Variants in PHF14 observed in about 807,000 individuals in gnomAD.
PHF14 encodes PHD finger protein 14.
Under a neutral mutation model 117.9 loss-of-function variants are expected in PHF14, and 55 were observed. The ratio of observed to expected loss-of-function variants is 0.47; its 90% CI spans 0.38 to 0.58. PHF14 has a LOEUF of 0.58. Among genes scored for constraint, PHF14 ranks in the 20% least tolerant of loss-of-function variants. The pLI is 0.00. For synonymous variants in PHF14, 409 were observed against 368.6 expected (o/e 1.11, Z -1.26); for missense variants, 978 against 1,122.2 (o/e 0.87, Z 1.84).
At position 11,130,693 on chromosome 7, in the gene PHF14, G is replaced by A. The variant is rs949112354; in HGVS notation, c.2772+19226G>A. 6.6e-6 allele frequency among the ~76,000 whole-genome samples: 1 copy of A among 151,772 alleles called. No homozygotes were observed. The highest frequency in any genetic ancestry group is 2.4e-5 in the African/African-American group (1 of 41,324). On this transcript the variant is annotated intron_variant, in intron 17 of 17. Coordinates refer to ENST00000634607, the MANE Select transcript of PHF14 (RefSeq NM_001007157.2). The surrounding 1 kb of genome is among the most constrained non-coding windows in gnomAD (Gnocchi z 4.2). The stretch of plus-strand genomic sequence containing the variant: ...ACATTATTATTAACTAAAGTTTGTT[G>A]TTTACATTATAACTTATTTTTTGTG...
At chr7:11,020,563 G>A (rs986462727) in intron 5 of PHF14, among the ~76,000 whole-genome samples, 4 of 151,986 alleles carry the variant, frequency 2.6e-5, no homozygotes, top group Non-Finnish European at 5.9e-5. Context: ...ATTTTTTGTA[G>A]CGATGGGGTT....
intron 2 of PHF14, among the ~76,000 whole-genome samples, chr7:10,980,201 C>G (rs1473902944): frequency 1.3e-5 from 2 of 152,096 alleles, no homozygotes; most frequent in African/African-American, 4.8e-5. Context: ...GTTAATCTTA[C>G]TTTTGCGTCT....
intron 4 of PHF14, among the ~76,000 whole-genome samples, chr7:11,003,469 T>C (rs998065493): frequency 2.0e-5 from 3 of 152,214 alleles, no homozygotes; most frequent in Non-Finnish European, 4.4e-5. Context: ...ATCTTACTTT[T>C]AATTTTATTT....
At chr7:11,088,112 A>T (rs1159875248) in intron 16 of PHF14, among the ~76,000 whole-genome samples, 1 of 152,204 alleles carries the variant, frequency 6.6e-6, no homozygotes, top group African/African-American at 2.4e-5. Flanking sequence ...GAAGATGCTC[A>T]AGTCCCTTAT....
intron 14 of PHF14, among the ~76,000 whole-genome samples, chr7:11,056,143 C>G (rs189988961): frequency 2.8e-3 from 419 of 151,772 alleles, no homozygotes; most frequent in African/African-American, 9.7e-3. Context: ...ACTTTGGCTA[C>G]TTGGAAGAGA....
At chr7:11,143,561 G>T (rs2128351759) in intron 17 of PHF14, among the ~76,000 whole-genome samples, 1 of 151,992 alleles carries the variant, frequency 6.6e-6, no homozygotes, top group South Asian at 2.1e-4. Context: ...AGATTATTTG[G>T]AAAATGCAGA....
Position 11,067,243 on chromosome 7 carries a change from G to A in PHF14, c.2654+5158G>A, listed in dbSNP as rs564080267. ...ACGAATCATTCAGGAAGAGTAAATC[G>A]AAACCACAGTGAGATACCACCTCAC... On this transcript the variant is annotated intron_variant, in intron 16 of 17. Coordinates refer to ENST00000634607, the MANE Select transcript of PHF14 (RefSeq NM_001007157.2). Among the ~76,000 whole-genome samples the A allele has an allele frequency of 4.6e-5, 7 of 152,154 alleles. No individual in the cohort carries two copies. The South Asian group carries it at 1.0e-3, about 23-fold the overall frequency.
intron 13 of PHF14, among the ~76,000 whole-genome samples, chr7:11,044,056 C>T (rs1784584609): frequency 6.6e-6 from 1 of 152,006 alleles, no homozygotes; most frequent in East Asian, 1.9e-4. Flanking sequence ...AGCTGGAGGC[C>T]ATTATACTCA....
At chr7:11,007,586 A>G (rs966428032) in intron 4 of PHF14, among the ~76,000 whole-genome samples, 1 of 152,176 alleles carries the variant, frequency 6.6e-6, no homozygotes, top group African/African-American at 2.4e-5. Flanking sequence ...CCATATTGTA[A>G]TTCAGCCATG....
intron 17 of PHF14, among the ~76,000 whole-genome samples, chr7:11,116,745 A>G (rs1425908497): frequency 6.6e-6 from 1 of 151,884 alleles, no homozygotes; most frequent in African/African-American, 2.4e-5. Context: ...TGATTTTATG[A>G]GATTTTATGA....
chr7:11,023,856 TTAA>T (rs1161858383), intron 6 of PHF14, among the ~76,000 whole-genome samples: 3 of 151,910 alleles, frequency 2.0e-5, no homozygotes, highest in African/African-American at 7.3e-5. Flanking sequence ...ATTTGGCCAA[TTAA>T]TAATTCTACA....
chr7:11,066,879 A>AT (rs1215496276), intron 16 of PHF14, among the ~76,000 whole-genome samples: 1 of 152,196 alleles, frequency 6.6e-6, no homozygotes, highest in Non-Finnish European at 1.5e-5. Context: ...AATATTAGAA[A>AT]CAGCTTGTCC....
At chr7:11,044,672 T>C (rs1463409349) in intron 13 of PHF14, among the ~76,000 whole-genome samples, 2 of 152,190 alleles carry the variant, frequency 1.3e-5, no homozygotes, top group African/African-American at 4.8e-5. Context: ...TTTGAAGTTA[T>C]ACTAAAGATA....
At chr7:10,978,382 G>C (rs1781940075) in intron 2 of PHF14, among the ~76,000 whole-genome samples, 2 of 152,172 alleles carry the variant, frequency 1.3e-5, no homozygotes, top group Non-Finnish European at 2.9e-5. Context: ...AATGAGATTA[G>C]ATTGATGTAG....
In PHF14 at chr7:10,983,414, C is replaced by A. The variant is rs542301172; in HGVS notation, c.900+255C>A. 2.0e-4 allele frequency among the ~76,000 whole-genome samples: 31 copies of A among 152,270 alleles called. 1 individual carries two copies. In the South Asian group the frequency reaches 6.0e-3, roughly 30 times the overall value. On this transcript the variant is annotated intron_variant, in intron 3 of 17. Transcript: ENST00000634607. ...AATATTTAGAGAAATATTTTTATAT[C>A]CATAGACTTGGGAAATGACAAAGTT...
At chr7:11,113,193 C>T (rs1427510233) in intron 17 of PHF14, among the ~76,000 whole-genome samples, 1 of 151,886 alleles carries the variant, frequency 6.6e-6, no homozygotes, top group Non-Finnish European at 1.5e-5. Flanking sequence ...CTCAATAATA[C>T]TATAAATATG....
chr7:10,997,103 CCTTT>C (rs767755844), intron 4 of PHF14, among the ~76,000 whole-genome samples: 2 of 152,028 alleles, frequency 1.3e-5, no homozygotes, highest in Non-Finnish European at 2.9e-5. Flanking sequence ...TCCTTCTATC[CCTTT>C]CTGTCTGTAT....
At chr7:11,111,280 G>T in intron 16 of PHF14, 70 bp from the exon 17 acceptor site, 2 of 687,512 alleles carry the variant, frequency 2.9e-6, no homozygotes, top group Admixed American at 2.6e-5. Context: ...TTGTCTTTTT[G>T]TCTTTTCATG....
At chr7:11,078,792 A>T (rs992449639) in intron 16 of PHF14, among the ~76,000 whole-genome samples, 1 of 152,160 alleles carries the variant, frequency 6.6e-6, no homozygotes, top group Non-Finnish European at 1.5e-5. Context: ...TTTATTACTA[A>T]TTGAGATAAG....
Sources: allele counts gnomAD v4.1 joint callset (sites outside exome capture counted in the v4.1 genomes callset), GRCh38; gene constraint gnomAD v4.1.1; non-coding constraint Gnocchi (gnomAD v3.1); transcripts MANE v1.5; gene names NCBI Gene and HGNC (gene_info 2026-07-23, HGNC 2026-07-21).